TBCCD1: variants seen among roughly 807,000 people sequenced by gnomAD.
The protein encoded by TBCCD1 is TBCC domain-containing protein 1.
In TBCCD1, 26 loss-of-function variants were observed where a neutral mutation model predicts 53.4. That is an observed-to-expected ratio of 0.49 (90% CI 0.36 to 0.68). The LOEUF is 0.68. Among genes scored for constraint, TBCCD1 ranks in the 30% least tolerant of loss-of-function variants. TBCCD1 has a pLI of 0.00. For synonymous variants in TBCCD1, 245 were observed against 241.7 expected, an observed-to-expected ratio of 1.01 and a Z score of -0.13; for missense variants, 558 against 669.5, an observed-to-expected ratio of 0.83 and a Z score of 1.84.
rs370017010 is a variant in TBCCD1 at position 186,565,109 on chromosome 3, C to CTT, written c.-43-739_-43-738dup. ...TTTATTGTATTTCCTTCTTCTTCTTCTTTTTTTTTTTTTTTTTTTGAGATG... is the reference window on the plus strand; with the variant it reads ...TTTATTGTATTTCCTTCTTCTTCTTCTTTTTTTTTTTTTTTTTTTTTGAGATG... On this transcript the variant is annotated intron_variant, in intron 1 of 7. Coordinates refer to ENST00000338733, the MANE Select transcript of TBCCD1 (RefSeq NM_018138.5). 8.9e-3 allele frequency among the ~76,000 whole-genome samples: 1,105 copies of CTT among 124,740 alleles called. 52 individuals are homozygous for CTT. Among genetic ancestry groups the CTT allele is most frequent in the African/African-American group, 0.029 (947 of 32,128 alleles). 81.8% of individuals were successfully genotyped at this position (124,740 alleles called of 152,430 possible).
At chr3:186,556,357 G>C (rs1276336978) in intron 4 of TBCCD1, 52 bp downstream of exon 4, 3 of 1,555,182 alleles carry the variant, frequency 1.9e-6, no homozygotes, top group Non-Finnish European at 2.6e-6. Flanking sequence ...GAAAACACTA[G>C]GTTCCTTAAG....
chr3:186,550,845 G>T (rs964845597), intron 7 of TBCCD1, among the ~76,000 whole-genome samples: 3 of 152,092 alleles, frequency 2.0e-5, no homozygotes, highest in Non-Finnish European at 4.4e-5. Context: ...CTATGTATGG[G>T]GGAATGTGGT....
intron 6 of TBCCD1, among the ~76,000 whole-genome samples, chr3:186,552,823 C>A (rs926777436): frequency 6.6e-6 from 1 of 152,120 alleles, no homozygotes; most frequent in African/African-American, 2.4e-5. Flanking sequence ...CACAATCCAC[C>A]TTTGTTCTAT....
In TBCCD1 at chr3:186,557,353, T is replaced by C. The variant is rs114111708; in HGVS notation, c.493-578A>G. Among the ~76,000 whole-genome samples the C allele has an allele frequency of 1.8e-3, 271 of 152,310 alleles. 2 individuals are homozygous for C. The highest frequency in any genetic ancestry group is 6.3e-3 in the African/African-American group (262 of 41,566). ...CGTATGACTAAATGATAATAAATGA[T>C]AGAGGCAGAAATGAATGGAGGCTAC... On this transcript the variant is annotated intron_variant, in intron 3 of 7. Coordinates refer to ENST00000338733, the MANE Select transcript of TBCCD1 (RefSeq NM_018138.5).
chr3:186,569,225 T>G (rs553940535), upstream of TBCCD1, among the ~76,000 whole-genome samples: 2 of 152,162 alleles, frequency 1.3e-5, no homozygotes, highest in Non-Finnish European at 2.9e-5. Flanking sequence ...TAAACTAGCA[T>G]GGAGTTGGGA....
intron 2 of TBCCD1, among the ~76,000 whole-genome samples, chr3:186,562,028 G>A (rs1358533212): frequency 6.6e-6 from 1 of 152,136 alleles, no homozygotes; most frequent in Non-Finnish European, 1.5e-5. Context: ...ATATAATGGA[G>A]TACCATTTGG....
At chr3:186,568,256 C>A (rs1714894762), upstream of TBCCD1, among the ~76,000 whole-genome samples, 1 of 151,564 alleles carries the variant, frequency 6.6e-6, no homozygotes, top group African/African-American at 2.4e-5. Flanking sequence ...CAGAAGTGAA[C>A]AAAACAGACA....
rs750936683 is a variant in TBCCD1, at chr3:186,554,236, C to G, written c.1544+18G>C. On this transcript the variant is annotated intron_variant, in intron 6 of 7. Coordinates refer to ENST00000338733, the MANE Select transcript of TBCCD1 (RefSeq NM_018138.5). ...GTTTCACAAAAAACACAAACTGTTACTTGTAAAAAATACTCACTTTGTCAA... is the reference window on the plus strand; with the variant it reads ...GTTTCACAAAAAACACAAACTGTTAGTTGTAAAAAATACTCACTTTGTCAA... 2 of 1,608,280 alleles carry G rather than the reference C, an allele frequency of 1.2e-6. No homozygotes were observed. The highest frequency in any genetic ancestry group is 3.5e-5 in the Admixed American group (2 of 57,750).
chr3:186,554,062 G>T (rs1043891888), intron 6 of TBCCD1, among the ~76,000 whole-genome samples, 192 bp downstream of exon 6: 2 of 152,160 alleles, frequency 1.3e-5, no homozygotes, highest in Admixed American at 1.3e-4. Flanking sequence ...TGGCTAGGCT[G>T]GTCTCAAACT....
chr3:186,554,276 C>T lies in TBCCD1; in HGVS notation c.1522G>A (p.Val508Met), dbSNP rs751077724. Residue 508 changes from valine to methionine, a missense_variant, in exon 6 of 8, where the codon GTG (valine) becomes ATG (methionine). Val to Met is a conservative substitution (Grantham distance 21). Transcript: ENST00000338733. ...CACTTTGTCAAATGAGCCTCCTTCACAGTTTTCTGCCAGATCTGTATCTTC... is the reference window on the plus strand; with the variant it reads ...CACTTTGTCAAATGAGCCTCCTTCATAGTTTTCTGCCAGATCTGTATCTTC... ...EQKIQIWQKT[V>M]KEAHLTKDQR... 1 of 1,613,308 alleles carries T rather than the reference C, an allele frequency of 6.2e-7. No individual in the cohort carries two copies. Among genetic ancestry groups the T allele is most frequent in the Admixed American group, 1.7e-5 (1 of 59,688 alleles).
Position 186,549,096 on chromosome 3 carries a change from G to C in TBCCD1, c.*21+2033C>G, listed in dbSNP as rs185197231. 5.7e-3 allele frequency among the ~76,000 whole-genome samples: 863 copies of C among 151,804 alleles called. 14 individuals are homozygous for C. Among genetic ancestry groups the C allele is most frequent in the African/African-American group, 0.02 (830 of 41,392 alleles). ...GAGGTCAGGAGTTCAAGACCAGCCT[G>C]GGCCATCATGGTGAAACCTCGTCTC... On this transcript the variant is annotated intron_variant, in intron 7 of 7. Coordinates refer to ENST00000338733, the MANE Select transcript of TBCCD1 (RefSeq NM_018138.5).
At chr3:186,560,912 G>A (rs924671091) in intron 2 of TBCCD1, among the ~76,000 whole-genome samples, 2 of 152,126 alleles carry the variant, frequency 1.3e-5, no homozygotes, top group East Asian at 3.8e-4. Flanking sequence ...TGAGAAAACT[G>A]GATCTACAAA....
intron 4 of TBCCD1, among the ~76,000 whole-genome samples, chr3:186,555,555 G>A (rs1714516678): frequency 6.6e-6 from 1 of 152,006 alleles, no homozygotes; most frequent in African/African-American, 2.4e-5. Flanking sequence ...TTGAGTTCAT[G>A]CCTTTTTTTC....
chr3:186,551,041 C>A, intron 7 of TBCCD1, 88 bp downstream of exon 7: 3 of 1,405,564 alleles, frequency 2.1e-6, no homozygotes, highest in South Asian at 3.2e-5. Flanking sequence ...AAAATTTGGG[C>A]ATGTTTAGTA....
intron 2 of TBCCD1, among the ~76,000 whole-genome samples, chr3:186,563,130 G>T (rs139382485): frequency 3.0e-4 from 46 of 152,284 alleles, no homozygotes; most frequent in African/African-American, 9.9e-4. Context: ...TGGATCCCTG[G>T]TCATCGCTTG....
upstream of TBCCD1, chr3:186,567,530 C>A (rs1714877057): frequency 6.6e-6 from 1 of 152,412 alleles, no homozygotes; most frequent in African/African-American, 2.4e-5. Context: ...GGTGTCGCGC[C>A]TTTCAACCCG....
intron 6 of TBCCD1, among the ~76,000 whole-genome samples, chr3:186,553,055 G>T (rs1419474412): frequency 6.6e-6 from 1 of 152,124 alleles, no homozygotes; most frequent in Admixed American, 6.5e-5. Flanking sequence ...CTGTTAAAAG[G>T]GTCACACTGG....
rs1714597548 is a variant in TBCCD1, at chr3:186,558,310, A to G, written c.492+107T>C. 4.4e-6 allele frequency: 6 copies of G among 1,352,042 alleles called. No homozygotes were observed. The Admixed American group carries it at 1.1e-4, about 26-fold the overall frequency. 83.8% of individuals were successfully genotyped at this position (1,352,042 alleles called of 1,614,324 possible). On this transcript the variant is annotated intron_variant, in intron 3 of 7. Coordinates refer to ENST00000338733, the MANE Select transcript of TBCCD1 (RefSeq NM_018138.5). ...AAAGTGAAAAACAAAACAAGCCATCAAATCACTGGCTTATGTAAGAAATCT... is the reference window on the plus strand; with the variant it reads ...AAAGTGAAAAACAAAACAAGCCATCGAATCACTGGCTTATGTAAGAAATCT...
intron 3 of TBCCD1, 108 bp from the exon 4 acceptor site, chr3:186,556,883 G>C: frequency 7.5e-7 from 1 of 1,335,104 alleles, no homozygotes; most frequent in Non-Finnish European, 1.0e-6. Context: ...CCCCCAAAAG[G>C]AATTAGGTAG....
Sources: gnomAD v4.1 joint callset for allele counts (sites outside exome capture counted in the v4.1 genomes callset) on GRCh38, gnomAD v4.1.1 for gene constraint, MANE v1.5 for transcripts, NCBI Gene and HGNC (gene_info 2026-07-23, HGNC 2026-07-21) for gene names.